DHX57: variants seen among roughly 807,000 people sequenced by gnomAD.
DHX57 encodes the protein DExH-box helicase 57.
DHX57 carries 105 observed loss-of-function variants against 156.2 expected under a neutral mutation model. The ratio of observed to expected loss-of-function variants is 0.67; its 90% CI spans 0.57 to 0.79. DHX57 has a LOEUF of 0.79. DHX57 is among the 30% of genes least tolerant of loss of function. DHX57 has a pLI of 0.00. For synonymous variants in DHX57, 704 were observed against 595.6 expected (o/e 1.18, Z -2.65); for missense variants, 1,847 against 1,661.9 (o/e 1.11, Z -1.94).
At chr2:38,808,136 G>A (rs1265812582) in intron 21 of DHX57, among the ~76,000 whole-genome samples, 1 of 150,534 alleles carries the variant, frequency 6.6e-6, no homozygotes, top group Non-Finnish European at 1.5e-5. Flanking sequence ...TGTATTTTTA[G>A]TAGAGACAGG....
chr2:38,833,001 T>A (rs75033304), intron 13 of DHX57, among the ~76,000 whole-genome samples: 1 of 151,064 alleles, frequency 6.6e-6, no homozygotes, highest in Non-Finnish European at 1.5e-5. Context: ...TTTTTTTTTT[T>A]TCTGAGACGG....
intron 2 of DHX57, 26 bp downstream of exon 2, chr2:38,868,156 T>A: frequency 6.2e-7 from 1 of 1,609,488 alleles, no homozygotes; most frequent in Non-Finnish European, 8.5e-7. Context: ...ATTTCCATAT[T>A]TAAACATTCA....
At chr2:38,819,274 A>C in intron 17 of DHX57, 130 bp from the exon 18 acceptor site, 1 of 789,980 alleles carries the variant, frequency 1.3e-6, no homozygotes, top group Non-Finnish European at 2.0e-6. Flanking sequence ...TCCCAGGCTT[A>C]AGCAATCCTC....
chr2:38,865,511 C>T (rs1189913617), intron 2 of DHX57, among the ~76,000 whole-genome samples: 2 of 152,204 alleles, frequency 1.3e-5, no homozygotes, highest in Non-Finnish European at 2.9e-5. Context: ...ATAAATTACT[C>T]AGTCTTGGGT....
intron 1 of DHX57, among the ~76,000 whole-genome samples, chr2:38,872,374 C>A (rs1170581586): frequency 6.6e-6 from 1 of 152,152 alleles, no homozygotes; most frequent in Non-Finnish European, 1.5e-5. Flanking sequence ...AGATGTAATT[C>A]TCAGTATATA....
At chr2:38,821,361 C>G (rs1670806136) in intron 17 of DHX57, among the ~76,000 whole-genome samples, 1 of 151,924 alleles carries the variant, frequency 6.6e-6, no homozygotes, top group African/African-American at 2.4e-5. Context: ...GAATAAAGAG[C>G]AGACAGTAAA....
At chr2:38,841,108 C>T (rs12465365) in intron 12 of DHX57, among the ~76,000 whole-genome samples, 84,217 of 152,110 alleles carry the variant, frequency 0.55, 25,076 homozygotes, top group East Asian at 0.82. Flanking sequence ...TAGGCGTGAG[C>T]CACCATGCCC....
chr2:38,851,854 T>C (rs1025490893), intron 9 of DHX57, among the ~76,000 whole-genome samples: 3 of 152,158 alleles, frequency 2.0e-5, no homozygotes, highest in Non-Finnish European at 4.4e-5. Context: ...TCTTCCAAGT[T>C]GTTCAATGAT....
intron 19 of DHX57, 45 bp downstream of exon 19, chr2:38,818,832 C>G (rs1272111953): frequency 1.3e-6 from 2 of 1,599,396 alleles, no homozygotes; most frequent in Non-Finnish European, 1.7e-6. Flanking sequence ...CTCTGGTGAG[C>G]TACTCTAATA....
intron 13 of DHX57, among the ~76,000 whole-genome samples, chr2:38,836,775 C>CAAAAAAAAAAAA (rs964200602): frequency 7.1e-5 from 3 of 42,434 alleles, no homozygotes; most frequent in Non-Finnish European, 1.6e-4. Flanking sequence ...GACCCTGTCT[C>CAAAAAAAAAAAA]AAAAAAAAAA....
At chr2:38,824,033 G>A (rs748602387) in intron 16 of DHX57, among the ~76,000 whole-genome samples, 107 of 151,606 alleles carry the variant, frequency 7.1e-4, no homozygotes, top group Non-Finnish European at 1.3e-3. Context: ...AAAGAATCTT[G>A]CAGAACAGAG....
In DHX57 at chr2:38,861,786, T is replaced by C; in HGVS notation, c.624A>G (p.Gly208=). 3.7e-6 allele frequency: 6 copies of C among 1,613,782 alleles called. No individual in the cohort carries two copies. The highest frequency in any genetic ancestry group is 5.1e-6 in the Non-Finnish European group (6 of 1,179,876). The change falls in exon 5 of 24, where the codon GGA becomes GGG. Residue 208 remains glycine (G), a synonymous_variant. Transcript: ENST00000457308. ...GATGCTCTAGTGATGCTCCCACATC[T>C]CCATCACACATCCTCAGGACCGCTT... ...RCQAVLRMCD[G]DVGASLEHLL...
At chr2:38,874,770 G>A (rs567156400) in intron 1 of DHX57, among the ~76,000 whole-genome samples, 70 of 152,250 alleles carry the variant, frequency 4.6e-4, no homozygotes, top group Non-Finnish European at 2.4e-4. Context: ...GTGGAGCCGG[G>A]TAGTTCATAC....
At chr2:38,870,138 C>T (rs1009055301) in intron 1 of DHX57, among the ~76,000 whole-genome samples, 1 of 152,000 alleles carries the variant, frequency 6.6e-6, no homozygotes, top group Admixed American at 6.6e-5. Context: ...AACTTGAAGA[C>T]AGACTGACAT....
At chr2:38,844,826 C>G (rs1485777443) in intron 11 of DHX57, among the ~76,000 whole-genome samples, 1 of 151,974 alleles carries the variant, frequency 6.6e-6, no homozygotes, top group Non-Finnish European at 1.5e-5. Flanking sequence ...AACAAGTAGT[C>G]TGAGAGTGCT....
chr2:38,868,393 C>A lies in DHX57; in HGVS notation c.13G>T (p.Val5Leu). 1 of 1,612,958 alleles carries A rather than the reference C, an allele frequency of 6.2e-7. No individual in the cohort carries two copies. Among genetic ancestry groups the A allele is most frequent in the African/African-American group, 1.3e-5 (1 of 74,996 alleles). The change falls in exon 2 of 24, where the codon GTA becomes TTA. Residue 5 changes from valine (V) to leucine (L), a missense_variant. Physicochemically the swap from Val to Leu is conservative, Grantham distance 32. Coordinates refer to ENST00000457308, the MANE Select transcript of DHX57 (RefSeq NM_198963.3). MSSSVRRKGKPGKGG... is the reference protein window; with the variant it reads MSSSLRRKGKPGKGG... ...TTGCCTGGCTTGCCTTTTCTTCTTA[C>A]TGAAGAACTCATTTTCACCTGCAAG...
intron 17 of DHX57, 78 bp from the exon 18 acceptor site, chr2:38,819,222 T>C: frequency 7.4e-7 from 1 of 1,345,160 alleles, no homozygotes; most frequent in Non-Finnish European, 1.1e-6. Context: ...TTGCCCAGGC[T>C]GGAGTGCAGT....
In DHX57 at chr2:38,825,998, G is replaced by A. The variant is rs1359560963; in HGVS notation, c.2863C>T (p.Gln955Ter). Reference sequence around the variant, plus strand: ...CCTTTCCTTTGTAGAGCATTAGCTTGAGATACAAAGGTGTCCTCTAGACTT... The same window carrying A: ...CCTTTCCTTTGTAGAGCATTAGCTTAAGATACAAAGGTGTCCTCTAGACTT... The part of the protein sequence containing the change: ...MESLEDTFVS[Q>*]ANALQRKGRA... Residue 955 changes from glutamine to a stop codon, truncating the protein, a stop_gained, in exon 16 of 24, where the codon CAA becomes TAA. Transcript: ENST00000457308. LOFTEE classifies it high-confidence loss of function. 1.2e-6 allele frequency: 2 copies of A among 1,614,102 alleles called. No homozygotes were observed. The highest frequency in any genetic ancestry group is 1.7e-6 in the Non-Finnish European group (2 of 1,180,044).
intron 12 of DHX57, among the ~76,000 whole-genome samples, 184 bp from the exon 13 acceptor site, chr2:38,838,131 C>T (rs1395712584): frequency 6.6e-6 from 1 of 152,080 alleles, no homozygotes; most frequent in East Asian, 1.9e-4. Context: ...CAGGGTCTTG[C>T]TCTGTCACCC....
Sources: allele counts gnomAD v4.1 joint callset (sites outside exome capture counted in the v4.1 genomes callset), GRCh38; gene constraint gnomAD v4.1.1; transcripts MANE v1.5; gene names NCBI Gene and HGNC (gene_info 2026-07-23, HGNC 2026-07-21).